The following WASF1 variants were observed in gnomAD, a reference collection of about 807,000 sequenced individuals.
The protein encoded by WASF1 is WASP family member 1.
In WASF1, 7 loss-of-function variants were observed where a neutral mutation model predicts 50.5. That is an observed-to-expected ratio of 0.14 (90% confidence interval 0.08 to 0.26). The LOEUF (loss-of-function observed/expected upper bound fraction) is 0.26, where lower values mean the gene tolerates loss of function less well. Ranked by LOEUF, WASF1 falls within the 10% of genes least tolerant of loss-of-function variation. The pLI is 1.00. For missense variants in WASF1, 470 were observed against 694.7 expected, an observed-to-expected ratio of 0.68 and a Z score of 3.64; for synonymous variants, 205 against 244.0, an observed-to-expected ratio of 0.84 and a Z score of 1.49.
At chr6:110,153,387 G>C (rs150916660) in intron 3 of WASF1, among the ~76,000 whole-genome samples, 2 of 152,012 alleles carry the variant, frequency 1.3e-5, no homozygotes, top group Non-Finnish European at 2.9e-5. Flanking sequence ...ATAACTAGCT[G>C]TACAATGTAA....
At chr6:110,149,923 T>C (rs1775750795) in intron 3 of WASF1, among the ~76,000 whole-genome samples, 1 of 152,094 alleles carries the variant, frequency 6.6e-6, no homozygotes, top group Admixed American at 6.6e-5. Context: ...GGGGTCTCCC[T>C]AACTTGCCTG....
chr6:110,122,700 T>C lies in WASF1; in HGVS notation c.133+4769A>G, dbSNP rs552253989. On this transcript the variant is annotated intron_variant, in intron 4 of 10. Transcript: ENST00000392589. The stretch of plus-strand genomic sequence containing the variant: ...TTAATAACATATTCTTTTCTCTAGC[T>C]TACCTTATTGTAGGAATACAGTATA... Among the ~76,000 whole-genome samples the C allele has an allele frequency of 2.6e-5, 4 of 152,324 alleles. 1 individual carries two copies. The East Asian group carries it at 7.7e-4, about 29-fold the overall frequency.
At chr6:110,101,239 T>C (rs537492695) in intron 10 of WASF1, among the ~76,000 whole-genome samples, 5 of 152,196 alleles carry the variant, frequency 3.3e-5, no homozygotes, top group East Asian at 1.9e-4. Flanking sequence ...AGCCTTAACA[T>C]TGAAGAAAAT....
chr6:110,175,060 T>TA (rs1342094875), intron 2 of WASF1, among the ~76,000 whole-genome samples: 2 of 152,104 alleles, frequency 1.3e-5, no homozygotes, highest in Non-Finnish European at 2.9e-5. Context: ...ATCACATCCA[T>TA]ACCAAAGCTC....
intron 3 of WASF1, among the ~76,000 whole-genome samples, chr6:110,141,341 C>G (rs186298172): frequency 2.6e-5 from 4 of 152,220 alleles, no homozygotes; most frequent in Admixed American, 2.6e-4. Flanking sequence ...TATAGTCCTG[C>G]CTTTCCTCAT....
At chr6:110,104,184 A>ATGTTAT (rs1773215865) in intron 8 of WASF1, among the ~76,000 whole-genome samples, 2 of 152,186 alleles carry the variant, frequency 1.3e-5, no homozygotes, top group Non-Finnish European at 2.9e-5. Context: ...GATAACTCGA[A>ATGTTAT]CATGTTAAGA....
At chr6:110,122,869 G>A (rs1319273683) in intron 4 of WASF1, among the ~76,000 whole-genome samples, 1 of 151,786 alleles carries the variant, frequency 6.6e-6, no homozygotes, top group Non-Finnish European at 1.5e-5. Context: ...CTGAGGATCT[G>A]TGCCCCTTAC....
intron 3 of WASF1, among the ~76,000 whole-genome samples, chr6:110,150,083 A>G (rs1187036637): frequency 2.6e-5 from 4 of 152,154 alleles, no homozygotes; most frequent in South Asian, 2.1e-4. Context: ...ACAATACCCT[A>G]AAAGATTTTC....
intron 4 of WASF1, among the ~76,000 whole-genome samples, chr6:110,117,982 A>C (rs139055671): frequency 0.073 from 11,097 of 152,126 alleles, 549 homozygotes; most frequent in African/African-American, 0.14. Flanking sequence ...TTGTCACCAC[A>C]AGGCCTGCCT....
chr6:110,146,039 G>A (rs576402781), intron 3 of WASF1, among the ~76,000 whole-genome samples: 16 of 151,782 alleles, frequency 1.1e-4, no homozygotes, highest in East Asian at 5.8e-4. Context: ...GCTAAATGAC[G>A]AGTTAATGGG....
At chr6:110,127,383 C>A in intron 4 of WASF1, 86 bp downstream of exon 4, 6 of 1,213,618 alleles carry the variant, frequency 4.9e-6, no homozygotes, top group Non-Finnish European at 6.5e-6. Flanking sequence ...AATCATACTC[C>A]CAAATTAATC....
Position 110,100,365 on chromosome 6 carries a change from C to T in WASF1, c.*157G>A, listed in dbSNP as rs558544930. ...TAAAACATTTAGTTTGAAATGTATG[C>T]TAATATTTTCCTTAGAAATCAAAAG... On this transcript the variant is annotated 3_prime_UTR_variant, in exon 11 of 11. Coordinates refer to ENST00000392589, the MANE Select transcript of WASF1 (RefSeq NM_003931.3). The T allele has an allele frequency of 2.3e-4, 158 of 681,852 alleles. No homozygotes were observed. The East Asian group carries it at 4.2e-3, about 18-fold the overall frequency. 42.2% of individuals were successfully genotyped at this position (681,852 alleles called of 1,614,324 possible). A position where few individuals can be genotyped will look rare whatever the true frequency, so the allele number is the denominator to read the frequency against.
chr6:110,118,941 C>T (rs914041396), intron 4 of WASF1, among the ~76,000 whole-genome samples: 4 of 152,184 alleles, frequency 2.6e-5, no homozygotes, highest in Admixed American at 6.5e-5. Context: ...TCCTGAATGA[C>T]TAATGGGTAA....
chr6:110,121,541 C>T (rs998866987), intron 4 of WASF1, among the ~76,000 whole-genome samples: 13 of 152,170 alleles, frequency 8.5e-5, no homozygotes, highest in African/African-American at 2.9e-4. Context: ...ACAACAGATG[C>T]TGGAGAGGAT....
chr6:110,166,240 G>GAA (rs946791829), intron 2 of WASF1, among the ~76,000 whole-genome samples: 9 of 146,986 alleles, frequency 6.1e-5, no homozygotes, highest in African/African-American at 2.2e-4. Context: ...TTTACCAATT[G>GAA]AAAAAAAAAA....
intron 3 of WASF1, 111 bp downstream of exon 3, chr6:110,160,524 A>C (rs1473070674): frequency 2.0e-5 from 3 of 151,778 alleles, no homozygotes; most frequent in Non-Finnish European, 4.4e-5. Context: ...TGCTTTCAAG[A>C]CCAGTCCACT....
intron 3 of WASF1, among the ~76,000 whole-genome samples, chr6:110,158,565 C>CTTTA (rs1246184277): frequency 6.6e-6 from 1 of 151,868 alleles, no homozygotes; most frequent in Non-Finnish European, 1.5e-5. Context: ...GGCTCTTCCC[C>CTTTA]TAAAGTGCCT....
intron 3 of WASF1, among the ~76,000 whole-genome samples, chr6:110,136,047 C>A (rs1344902087): frequency 6.6e-6 from 1 of 151,684 alleles, no homozygotes; most frequent in Non-Finnish European, 1.5e-5. Flanking sequence ...CCATGCCCAG[C>A]TAATTTTTTT....
intron 3 of WASF1, among the ~76,000 whole-genome samples, chr6:110,132,932 CA>C (rs1774754313): frequency 7.8e-6 from 1 of 127,446 alleles, no homozygotes; most frequent in South Asian, 2.4e-4. Flanking sequence ...ACATATACAC[CA>C]TGGTGTTTGT....
Sources: gnomAD v4.1 joint callset for allele counts (sites outside exome capture counted in the v4.1 genomes callset) on GRCh38, gnomAD v4.1.1 for gene constraint, MANE v1.5 for transcripts, NCBI Gene and HGNC (gene_info 2026-07-23, HGNC 2026-07-21) for gene names.